Variants in GSE1 observed in about 807,000 individuals in gnomAD.
The protein encoded by GSE1 is genetic suppressor element 1.
A neutral mutation model predicts 112.6 loss-of-function variants in GSE1; 32 were observed. The ratio of observed to expected loss-of-function variants is 0.28; its 90% CI spans 0.21 to 0.38. The LOEUF (loss-of-function observed/expected upper bound fraction) is 0.38. Among genes scored for constraint, GSE1 ranks in the 10% least tolerant of loss-of-function variants. GSE1 has a pLI of 1.00. For missense variants in GSE1, 2,348 were observed against 1,699.2 expected, an observed-to-expected ratio of 1.38 and a Z score of -6.71; for synonymous variants, 1,115 against 735.6, an observed-to-expected ratio of 1.52 and a Z score of -8.35.
intron 2 of GSE1, among the ~76,000 whole-genome samples, chr16:85,532,530 G>A (rs1035811325): frequency 2.0e-5 from 3 of 152,168 alleles, no homozygotes; most frequent in African/African-American, 7.2e-5. Context: ...CCAGAGTGCC[G>A]AGATCATAGG....
Position 85,368,425 on chromosome 16 carries a change from C to T in GSE1, c.2464+10782C>T, listed in dbSNP as rs116095760. 7.1e-3 allele frequency among the ~76,000 whole-genome samples: 1,078 copies of T among 152,252 alleles called. 11 individuals carry two copies. The highest frequency in any genetic ancestry group is 0.025 in the African/African-American group (1,039 of 41,548). On this transcript the variant is annotated intron_variant, in intron 2 of 2. Transcript: ENST00000637419. The stretch of plus-strand genomic sequence containing the variant: ...CCTTCTCTAAAAGATACAATTCTGA[C>T]CAGGCACGGTGGCTCCTGCCTGTAA...
At chr16:85,490,944 AT>A (rs1226126971) in intron 2 of GSE1, 1 of 152,018 alleles carries the variant, frequency 6.6e-6, no homozygotes, top group Non-Finnish European at 1.5e-5. Flanking sequence ...AGTCTGCTGG[AT>A]GGGGGCATAG....
intron 1 of GSE1, among the ~76,000 whole-genome samples, chr16:85,257,027 TG>T (rs35660080): frequency 7.1e-6 from 1 of 141,212 alleles, no homozygotes; most frequent in African/African-American, 3.1e-5. Flanking sequence ...AGTCTTTGGG[TG>T]GGGAGGACAT....
At chr16:85,565,100 C>A (rs533090596) in intron 1 of GSE1, among the ~76,000 whole-genome samples, 4 of 152,048 alleles carry the variant, frequency 2.6e-5, no homozygotes, top group Non-Finnish European at 5.9e-5. Context: ...TTCTTAAAAG[C>A]GACCAACTTG....
upstream of GSE1, among the ~76,000 whole-genome samples, chr16:85,552,021 TTC>T (rs1346505555): frequency 1.3e-5 from 2 of 151,930 alleles, no homozygotes; most frequent in Admixed American, 6.5e-5. Context: ...CTCAATTTCT[TTC>T]TTTCTTTTTT....
At chr16:85,370,606 TCCCTCCTTCTCTCC>T in intron 2 of GSE1, among the ~76,000 whole-genome samples, 1 of 4,418 alleles carries the variant, frequency 2.3e-4, no homozygotes, top group Admixed American at 5.8e-3. Context: ...TTCTCTTCCC[TCCCTCCTTCTCTCC>T]CTCCCTCCTT....
chr16:85,300,081 A>AG (rs1567672777), intron 1 of GSE1, among the ~76,000 whole-genome samples: 1 of 151,388 alleles, frequency 6.6e-6, no homozygotes, highest in Non-Finnish European at 1.5e-5. Flanking sequence ...GCACCATCTC[A>AG]GCTCACCGTA....
rs949605812 is a variant in GSE1, at chr16:85,573,152, C to T, written c.37+16789C>T. On this transcript the variant is annotated intron_variant, in intron 1 of 2. Coordinates refer to the GSE1 transcript ENST00000635906. ...GTGCTGGGATTACAGGCTTGAGCCA[C>T]TGCGCCCGGCCCATCCCTTTCTTTT... Among the ~76,000 whole-genome samples the T allele has an allele frequency of 5.9e-5, 9 of 152,358 alleles. No homozygotes were observed. The East Asian group carries it at 1.7e-3, about 29-fold the overall frequency.
chr16:85,608,103 A>C (rs1263233786), upstream of GSE1, among the ~76,000 whole-genome samples: 1 of 152,182 alleles, frequency 6.6e-6, no homozygotes, highest in Non-Finnish European at 1.5e-5. Flanking sequence ...CCTTCTTGCA[A>C]GAGATAAGAT....
intron 5 of GSE1, 43 bp from the exon 6 acceptor site, chr16:85,655,683 C>T (rs376818520): frequency 7.2e-7 from 1 of 1,395,284 alleles, no homozygotes; most frequent in Non-Finnish European, 9.9e-7. Context: ...TGGGTCTTCC[C>T]CTTGGTTCAT....
chr16:85,275,316 G>A (rs1909247893), intron 1 of GSE1, among the ~76,000 whole-genome samples: 1 of 152,240 alleles, frequency 6.6e-6, no homozygotes, highest in African/African-American at 2.4e-5. Flanking sequence ...GGACAGAAAA[G>A]CTGGGCAGAG....
chr16:85,619,751 C>T (rs540809081), intron 1 of GSE1, among the ~76,000 whole-genome samples: 69 of 152,322 alleles, frequency 4.5e-4, no homozygotes, highest in Middle Eastern at 3.4e-3. Context: ...GTTTTCACCC[C>T]AACGTGCTCC....
At chr16:85,539,292 T>G (rs2044438909) in intron 2 of GSE1, among the ~76,000 whole-genome samples, 1 of 152,220 alleles carries the variant, frequency 6.6e-6, no homozygotes, top group Non-Finnish European at 1.5e-5. Context: ...TGCACATGTT[T>G]CCCGGCTCCA....
chr16:85,659,157 C>T lies in GSE1; in HGVS notation c.1640+1553C>T, dbSNP rs960115678. 5.3e-5 allele frequency among the ~76,000 whole-genome samples: 8 copies of T among 152,296 alleles called. No individual in the cohort carries two copies. The South Asian group carries it at 6.2e-4, about 12-fold the overall frequency. ...TGTATTCTGCTAAGAGGGACAGCAGCGTCGGATTTGTCCCTTGGCCTGGAG... is the reference window on the plus strand; with the variant it reads ...TGTATTCTGCTAAGAGGGACAGCAGTGTCGGATTTGTCCCTTGGCCTGGAG... On this transcript the variant is annotated intron_variant, in intron 8 of 15. Coordinates refer to ENST00000253458, the MANE Select transcript of GSE1 (RefSeq NM_014615.5).
At chr16:85,330,217 T>G (rs2046309578) in intron 1 of GSE1, among the ~76,000 whole-genome samples, 1 of 152,208 alleles carries the variant, frequency 6.6e-6, no homozygotes, top group South Asian at 2.1e-4. Flanking sequence ...TGAAACAGAA[T>G]GTCCTGGTTT....
intron 2 of GSE1, among the ~76,000 whole-genome samples, chr16:85,480,427 A>G (rs1328141434): frequency 2.0e-5 from 3 of 152,054 alleles, no homozygotes; most frequent in Non-Finnish European, 2.9e-5. Flanking sequence ...TGCCTGCTCC[A>G]GGGTCCCTGG....
intron 1 of GSE1, among the ~76,000 whole-genome samples, chr16:85,586,360 C>T (rs1409228518): frequency 6.6e-6 from 1 of 152,232 alleles, no homozygotes; most frequent in Non-Finnish European, 1.5e-5. Context: ...GGCCTGGATG[C>T]CTTTGTCCGT....
rs538247465 is a variant in GSE1, at chr16:85,571,987, A to C, written c.37+15624A>C. On this transcript the variant is annotated intron_variant, in intron 1 of 2. Transcript: ENST00000635906. ...GGGGACCAGGTGGACCCTGGAGGAC[A>C]TCAGTACTAGTGTCTAGTGATGCAT... Among the ~76,000 whole-genome samples the C allele has an allele frequency of 6.6e-5, 10 of 152,162 alleles. No homozygotes were observed. The East Asian group carries it at 1.7e-3, about 26-fold the overall frequency.
chr16:85,577,256 A>G (rs7190885), intron 1 of GSE1, among the ~76,000 whole-genome samples: 5,306 of 152,246 alleles, frequency 0.035, 248 homozygotes, highest in Admixed American at 0.13. Context: ...GGGGTCCCAG[A>G]AAGTGGAGGT....
Sources: allele counts gnomAD v4.1 joint callset (sites outside exome capture counted in the v4.1 genomes callset), GRCh38; gene constraint gnomAD v4.1.1; transcripts MANE v1.5; gene names NCBI Gene and HGNC (gene_info 2026-07-23, HGNC 2026-07-21).